The following SLC14A2 variants were observed in gnomAD, a reference collection of about 807,000 sequenced individuals.
The protein encoded by SLC14A2 is solute carrier family 14 member 2.
Under a neutral mutation model 104.6 loss-of-function variants are expected in SLC14A2, and 91 were observed. The observed-to-expected ratio is 0.87, with a 90% CI of 0.73 to 1.04. SLC14A2 has a LOEUF of 1.04. SLC14A2 is among the 50% of genes least tolerant of loss of function. The pLI is 0.00. For missense variants in SLC14A2, 1,189 were observed against 1,156.0 expected (o/e 1.03, Z -0.41); for synonymous variants, 476 against 466.4 (o/e 1.02, Z -0.27).
chr18:45,273,154 G>A (rs181830370), intron 1 of SLC14A2, among the ~76,000 whole-genome samples: 37 of 152,140 alleles, frequency 2.4e-4, no homozygotes, highest in Non-Finnish European at 4.3e-4. Context: ...TCTATTACTC[G>A]ACTCTCGCTT....
At chr18:45,234,904 C>T (rs1312754734) in intron 1 of SLC14A2, among the ~76,000 whole-genome samples, 1 of 152,004 alleles carries the variant, frequency 6.6e-6, no homozygotes, top group Non-Finnish European at 1.5e-5. Context: ...CTCACAACAT[C>T]CCAGTGAGAC....
chr18:45,317,283 C>G (rs1481448516), intron 1 of SLC14A2, among the ~76,000 whole-genome samples: 1 of 152,192 alleles, frequency 6.6e-6, no homozygotes, highest in African/African-American at 2.4e-5. Flanking sequence ...CACACACGCA[C>G]ATTATATCAT....
At chr18:45,378,567 G>A (rs1294038433) in intron 1 of SLC14A2, among the ~76,000 whole-genome samples, 3 of 152,190 alleles carry the variant, frequency 2.0e-5, no homozygotes, top group South Asian at 2.1e-4. Flanking sequence ...TCTTTCATAT[G>A]TAATCATGTT....
the SLC14A2 span, among the ~76,000 whole-genome samples, chr18:45,173,785 C>G: frequency 6.6e-6 from 1 of 152,040 alleles, no homozygotes; most frequent in Non-Finnish European, 1.5e-5. Context: ...TGCTAGCAAC[C>G]TGGCTGTGGT....
Position 45,666,227 on chromosome 18 carries a change from C to G in SLC14A2, c.1557+8C>G, listed in dbSNP as rs767654884. 6.3e-7 allele frequency: 1 copy of G among 1,585,756 alleles called. No individual in the cohort carries two copies. Among genetic ancestry groups the G allele is most frequent in the Non-Finnish European group, 8.7e-7 (1 of 1,153,980 alleles). On this transcript the variant is annotated splice_region_variant and intron_variant, in intron 12 of 19. Transcript: ENST00000255226. ...CCCACAGTCGAGCTGCTTGTGAGTACTGAGTGTCCTGAATCAGGGACAGCG... is the reference window on the plus strand; with the variant it reads ...CCCACAGTCGAGCTGCTTGTGAGTAGTGAGTGTCCTGAATCAGGGACAGCG...
intron 1 of SLC14A2, among the ~76,000 whole-genome samples, chr18:45,476,540 G>C (rs1450280483): frequency 1.3e-5 from 2 of 152,142 alleles, no homozygotes; most frequent in East Asian, 3.9e-4. Flanking sequence ...TTGCGAGGCT[G>C]GGGAAGTTGT....
chr18:45,665,040 G>A (rs1405118496), intron 11 of SLC14A2, among the ~76,000 whole-genome samples: 1 of 152,158 alleles, frequency 6.6e-6, no homozygotes, highest in Non-Finnish European at 1.5e-5. Flanking sequence ...CCAATTTCAA[G>A]GGATCCCTTC....
intron 1 of SLC14A2, among the ~76,000 whole-genome samples, chr18:45,369,063 T>A (rs528916328): frequency 6.6e-6 from 1 of 152,156 alleles, no homozygotes; most frequent in Non-Finnish European, 1.5e-5. Flanking sequence ...TGATTCTCCA[T>A]GAAGTGAAAG....
intron 1 of SLC14A2, among the ~76,000 whole-genome samples, chr18:45,466,087 G>C (rs1470743801): frequency 2.6e-5 from 4 of 152,070 alleles, no homozygotes; most frequent in Non-Finnish European, 5.9e-5. Flanking sequence ...ATGGGAGAAA[G>C]TGAGGATTAT....
At chr18:45,180,836 T>A in the SLC14A2 span, among the ~76,000 whole-genome samples, 1 of 152,186 alleles carries the variant, frequency 6.6e-6, no homozygotes. Flanking sequence ...TCAAACAATA[T>A]ATTTTGCATA....
chr18:45,350,761 T>A (rs1300981685), intron 1 of SLC14A2, among the ~76,000 whole-genome samples: 34 of 151,080 alleles, frequency 2.3e-4, no homozygotes, highest in African/African-American at 8.0e-4. Flanking sequence ...GGAAAAGATT[T>A]ATCCAGGAAA....
intron 1 of SLC14A2, among the ~76,000 whole-genome samples, chr18:45,265,625 T>C (rs918856522): frequency 1.3e-5 from 2 of 152,088 alleles, no homozygotes; most frequent in Non-Finnish European, 2.9e-5. Context: ...TTCTGTCATA[T>C]TAAGAGGGAG....
intron 19 of SLC14A2, among the ~76,000 whole-genome samples, chr18:45,679,579 G>C (rs938149355): frequency 2.0e-5 from 3 of 152,214 alleles, no homozygotes; most frequent in South Asian, 2.1e-4. Flanking sequence ...CCCCAGTGCA[G>C]AGGGCTCAGG....
upstream of SLC14A2, among the ~76,000 whole-genome samples, chr18:45,212,633 C>T (rs2083971142): frequency 2.0e-5 from 3 of 152,164 alleles, no homozygotes; most frequent in South Asian, 6.2e-4. Flanking sequence ...ATCTAACGCA[C>T]ATGTGTATTA....
At chr18:45,183,191 T>C in the SLC14A2 span, among the ~76,000 whole-genome samples, 1 of 152,146 alleles carries the variant, frequency 6.6e-6, no homozygotes, top group East Asian at 1.9e-4. Context: ...TTCAGTGCTT[T>C]AAACCCAGGC....
chr18:45,221,170 T>C (rs1035775074), intron 1 of SLC14A2, among the ~76,000 whole-genome samples: 2 of 152,196 alleles, frequency 1.3e-5, no homozygotes, highest in Admixed American at 6.5e-5. Context: ...ACCATCTAAC[T>C]GCCAGGGGTA....
chr18:45,517,144 G>A (rs2043452295), intron 2 of SLC14A2, among the ~76,000 whole-genome samples: 1 of 152,162 alleles, frequency 6.6e-6, no homozygotes, highest in South Asian at 2.1e-4. Flanking sequence ...AGGGCTCAGG[G>A]CCCACCTCCA....
At chr18:45,570,823 G>A (rs1054334075) in intron 2 of SLC14A2, among the ~76,000 whole-genome samples, 9 of 152,314 alleles carry the variant, frequency 5.9e-5, no homozygotes, top group African/African-American at 2.2e-4. Flanking sequence ...AACAAACTCA[G>A]ATAAATCATG....
intron 1 of SLC14A2, among the ~76,000 whole-genome samples, chr18:45,410,483 C>G (rs1381897622): frequency 6.6e-6 from 1 of 152,008 alleles, no homozygotes; most frequent in African/African-American, 2.4e-5. Context: ...TATATAAACT[C>G]TCTCTTAAAA....
Sources: gnomAD v4.1 joint callset for allele counts (sites outside exome capture counted in the v4.1 genomes callset) on GRCh38, gnomAD v4.1.1 for gene constraint, MANE v1.5 for transcripts, NCBI Gene and HGNC (gene_info 2026-07-23, HGNC 2026-07-21) for gene names.